KYAT3: variants seen among roughly 807,000 people sequenced by gnomAD.
KYAT3 encodes the protein kynurenine aminotransferase 3.
A neutral mutation model predicts 59.0 loss-of-function variants in KYAT3; 50 were observed. The ratio of observed to expected loss-of-function variants is 0.85; its 90% CI spans 0.68 to 1.07. The LOEUF is 1.07. Ranked by LOEUF, KYAT3 falls within the 50% of genes least tolerant of loss-of-function variation. The pLI is 0.00. For synonymous variants in KYAT3, 148 were observed against 177.0 expected (o/e 0.84, Z 1.30); for missense variants, 497 against 533.3 (o/e 0.93, Z 0.67).
At chr1:88,957,147 C>G (rs1282549830) in intron 8 of KYAT3, among the ~76,000 whole-genome samples, 1 of 152,046 alleles carries the variant, frequency 6.6e-6, no homozygotes, top group East Asian at 1.9e-4. Flanking sequence ...AAATTTGAAA[C>G]AGTAGGAAAA....
chr1:88,991,706 T>C (rs1387218146), intron 1 of KYAT3, among the ~76,000 whole-genome samples: 1 of 152,204 alleles, frequency 6.6e-6, no homozygotes, highest in African/African-American at 2.4e-5. Context: ...AATGGATTCG[T>C]GTAACTATAA....
intron 2 of KYAT3, among the ~76,000 whole-genome samples, chr1:88,978,077 T>TACACATATGTATATATGTATATAATATAC (rs1676877982): frequency 6.6e-6 from 1 of 152,036 alleles, no homozygotes; most frequent in Non-Finnish European, 1.5e-5. Flanking sequence ...ATATAATATA[T>TACACATATGTATATATGTATATAATATAC]ACACATATGT....
At chr1:88,943,834 T>C (rs1043455700) in intron 11 of KYAT3, among the ~76,000 whole-genome samples, 7 of 152,218 alleles carry the variant, frequency 4.6e-5, no homozygotes, top group African/African-American at 7.2e-5. Context: ...CATTCGACTA[T>C]AAGTTCCACA....
chr1:88,949,404 C>T, intron 10 of KYAT3, 127 bp from the exon 11 acceptor site: 1 of 602,004 alleles, frequency 1.7e-6, no homozygotes, highest in Non-Finnish European at 2.7e-6. Flanking sequence ...CAGGAAATAA[C>T]AGTTGAATTC....
At chr1:88,955,066 A>G (rs767885710) in intron 9 of KYAT3, 83 bp downstream of exon 9, 70 of 912,312 alleles carry the variant, frequency 7.7e-5, no homozygotes, top group Admixed American at 2.0e-4. Flanking sequence ...ATGCCTGGCC[A>G]GCATTTAAAA....
chr1:88,983,183 G>A (rs764800247), intron 2 of KYAT3: 24 of 1,612,696 alleles, frequency 1.5e-5, no homozygotes, highest in Non-Finnish European at 2.0e-5. Context: ...GTCTTTAGTA[G>A]AATACCCATC....
intron 10 of KYAT3, among the ~76,000 whole-genome samples, chr1:88,951,214 T>C (rs933963099): frequency 2.6e-5 from 4 of 152,008 alleles, no homozygotes; most frequent in Non-Finnish European, 4.4e-5. Flanking sequence ...TTCATATCTA[T>C]CAACATCTTT....
downstream of KYAT3, among the ~76,000 whole-genome samples, chr1:88,934,813 ATGTG>A (rs1674980007): frequency 6.6e-6 from 1 of 152,190 alleles, no homozygotes; most frequent in Non-Finnish European, 1.5e-5. Flanking sequence ...TCAAACTTTC[ATGTG>A]TGTAAGTATC....
At chr1:88,932,896 T>G (rs1674937384), downstream of KYAT3, among the ~76,000 whole-genome samples, 1 of 152,206 alleles carries the variant, frequency 6.6e-6, no homozygotes, top group Non-Finnish European at 1.5e-5. Flanking sequence ...GTTACTTCTC[T>G]GATGTAATAC....
chr1:88,944,426 C>T (rs1675359125), intron 11 of KYAT3, among the ~76,000 whole-genome samples: 1 of 152,124 alleles, frequency 6.6e-6, no homozygotes, highest in Admixed American at 6.5e-5. Context: ...CCATTCTCCC[C>T]TGTGTTTTAA....
chr1:88,969,213 C>G (rs1676458139), intron 3 of KYAT3, among the ~76,000 whole-genome samples, 196 bp downstream of exon 3: 2 of 152,160 alleles, frequency 1.3e-5, no homozygotes, highest in African/African-American at 2.4e-5. Context: ...CAGTGTCCAG[C>G]AAAGGGCATG....
At chr1:88,986,570 G>A (rs1193650375) in intron 2 of KYAT3, among the ~76,000 whole-genome samples, 1 of 151,052 alleles carries the variant, frequency 6.6e-6, no homozygotes. Context: ...GGGATTGCAG[G>A]TGTTAGCCAC....
At chr1:88,983,940 T>A (rs1354551643) in intron 2 of KYAT3, 3 of 1,024,454 alleles carry the variant, frequency 2.9e-6, no homozygotes, top group Admixed American at 4.2e-5. Flanking sequence ...TTAGGAGGAC[T>A]GAACCGCGAA....
intron 2 of KYAT3, 106 bp from the exon 3 acceptor site, chr1:88,969,573 G>A (rs1373991794): frequency 4.3e-4 from 280 of 646,792 alleles, no homozygotes; most frequent in Non-Finnish European, 2.5e-5. Context: ...CATGTAAATA[G>A]TAGTTCCATA....
At chr1:88,924,991 G>A in the KYAT3 span, among the ~76,000 whole-genome samples, 2 of 152,224 alleles carry the variant, frequency 1.3e-5, no homozygotes, top group Non-Finnish European at 2.9e-5. Flanking sequence ...GCAGCCCGCC[G>A]CCATCTTGGG....
chr1:88,959,792 C>T (rs1244190888), intron 8 of KYAT3, among the ~76,000 whole-genome samples: 2 of 151,596 alleles, frequency 1.3e-5, no homozygotes, highest in Non-Finnish European at 2.9e-5. Context: ...CTCAAACAGT[C>T]GCTTTCTCTT....
chr1:88,952,954 C>T lies in KYAT3; in HGVS notation c.954+109G>A, dbSNP rs868314852. Reference sequence around the variant, plus strand: ...CAAATTCCAAATTATATTAGAAGGCCCTGCAACAGAAGGATAGAAGGAGAA... The same window carrying T: ...CAAATTCCAAATTATATTAGAAGGCTCTGCAACAGAAGGATAGAAGGAGAA... On this transcript the variant is annotated intron_variant, in intron 10 of 13. Transcript: ENST00000260508. 18 of 660,532 alleles carry T rather than the reference C, an allele frequency of 2.7e-5. No homozygotes were observed. In the African/African-American group the frequency reaches 3.3e-4, roughly 12 times the overall value. 40.9% of individuals were successfully genotyped at this position (660,532 alleles called of 1,614,324 possible).
chr1:88,933,543 T>C (rs1275562682), downstream of KYAT3, among the ~76,000 whole-genome samples: 1 of 151,878 alleles, frequency 6.6e-6, no homozygotes, highest in Non-Finnish European at 1.5e-5. Context: ...AGCAGGTTAG[T>C]AGATAGACTC....
intron 5 of KYAT3, among the ~76,000 whole-genome samples, chr1:88,964,110 C>T (rs986444996): frequency 7.2e-5 from 11 of 152,034 alleles, no homozygotes; most frequent in African/African-American, 2.2e-4. Context: ...GGCTGAGGCA[C>T]GAGAATCACT....
Sources: gnomAD v4.1 joint callset for allele counts (sites outside exome capture counted in the v4.1 genomes callset) on GRCh38, gnomAD v4.1.1 for gene constraint, MANE v1.5 for transcripts, NCBI Gene and HGNC (gene_info 2026-07-23, HGNC 2026-07-21) for gene names.